The following PRKG1 variants were observed in gnomAD, a reference collection of about 807,000 sequenced individuals.
PRKG1 encodes the protein protein kinase cGMP-dependent 1.
A neutral mutation model predicts 88.1 loss-of-function variants in PRKG1; 35 were observed. The observed-to-expected ratio is 0.40, with a 90% CI of 0.30 to 0.53. PRKG1 has a LOEUF of 0.53. Ranked by LOEUF, PRKG1 falls within the 20% of genes least tolerant of loss-of-function variation. The pLI, the probability that PRKG1 is intolerant of heterozygous loss-of-function variation, is 0.59. For synonymous variants in PRKG1, 303 were observed against 292.5 expected, an observed-to-expected ratio of 1.04 and a Z score of -0.37; for missense variants, 540 against 839.8, an observed-to-expected ratio of 0.64 and a Z score of 4.41.
At chr10:52,268,787 A>G (rs973405449) in intron 10 of PRKG1, among the ~76,000 whole-genome samples, 3 of 152,028 alleles carry the variant, frequency 2.0e-5, no homozygotes, top group Non-Finnish European at 2.9e-5. Flanking sequence ...GTTCCTCTGA[A>G]AAAGCAACAT....
At chr10:51,838,077 T>C (rs1481402427) in intron 4 of PRKG1, among the ~76,000 whole-genome samples, 2 of 152,106 alleles carry the variant, frequency 1.3e-5, no homozygotes, top group African/African-American at 4.8e-5. Flanking sequence ...TCCATATCAA[T>C]ACAATTCATT....
At chr10:51,189,642 T>A (rs1837581459) in intron 2 of PRKG1, among the ~76,000 whole-genome samples, 2 of 151,952 alleles carry the variant, frequency 1.3e-5, no homozygotes, top group Non-Finnish European at 1.5e-5. Context: ...ATTGAATGCC[T>A]ATTAAACACA....
intron 7 of PRKG1, among the ~76,000 whole-genome samples, chr10:52,106,186 A>C (rs1034562734): frequency 6.6e-6 from 1 of 152,186 alleles, no homozygotes; most frequent in Non-Finnish European, 1.5e-5. Context: ...TCAATTCACA[A>C]GTACTTAATG....
At chr10:51,805,098 A>G (rs961462079) in intron 4 of PRKG1, among the ~76,000 whole-genome samples, 2 of 152,118 alleles carry the variant, frequency 1.3e-5, no homozygotes, top group Admixed American at 6.6e-5. Flanking sequence ...AAACAGACTC[A>G]CACTGTAAGG....
intron 9 of PRKG1, among the ~76,000 whole-genome samples, chr10:52,169,836 T>C (rs117919450): frequency 0.014 from 2,061 of 152,262 alleles, 20 homozygotes; most frequent in Non-Finnish European, 0.023. Context: ...TCAGTACTGA[T>C]AGAGATGTAA....
At chr10:50,999,203 A>G (rs1357067289) in intron 1 of PRKG1, among the ~76,000 whole-genome samples, 1 of 152,188 alleles carries the variant, frequency 6.6e-6, no homozygotes, top group African/African-American at 2.4e-5. Flanking sequence ...TTGATTTTAT[A>G]TATTCTTGGA....
chr10:51,123,293 C>T (rs1187906144), intron 1 of PRKG1, among the ~76,000 whole-genome samples: 1 of 152,096 alleles, frequency 6.6e-6, no homozygotes, highest in Non-Finnish European at 1.5e-5. Context: ...TTACTGTTAT[C>T]CATATATATG....
chr10:52,088,745 T>C (rs1352276415), intron 7 of PRKG1, among the ~76,000 whole-genome samples: 1 of 152,202 alleles, frequency 6.6e-6, no homozygotes, highest in African/African-American at 2.4e-5. Flanking sequence ...TATTGTGTTA[T>C]GGCAGCAGAA....
chr10:51,091,044 G>T (rs923420010), intron 1 of PRKG1, among the ~76,000 whole-genome samples: 1 of 152,090 alleles, frequency 6.6e-6, no homozygotes, highest in African/African-American at 2.4e-5. Flanking sequence ...TATGATTGTG[G>T]ATAAAAGCAA....
At chr10:51,343,553 T>A (rs915255082) in intron 2 of PRKG1, among the ~76,000 whole-genome samples, 3 of 152,182 alleles carry the variant, frequency 2.0e-5, no homozygotes, top group African/African-American at 7.2e-5. Context: ...TATTTAATAA[T>A]ATATAATAAC....
chr10:52,033,986 T>C (rs1359354642), intron 5 of PRKG1, among the ~76,000 whole-genome samples: 4 of 151,666 alleles, frequency 2.6e-5, no homozygotes, highest in Admixed American at 6.6e-5. Flanking sequence ...GGGGTGCTTT[T>C]TGAGCCAGGA....
At chr10:51,244,308 C>CTTTTTTTTTTTT (rs76339310) in intron 2 of PRKG1, among the ~76,000 whole-genome samples, 1 of 136,678 alleles carries the variant, frequency 7.3e-6, no homozygotes, top group African/African-American at 2.7e-5. Flanking sequence ...CCCTTTCTTC[C>CTTTTTTTTTTTT]TTTTTTTTTT....
At position 52,188,564 on chromosome 10, in the gene PRKG1, G is replaced by A. The variant is rs146327588; in HGVS notation, c.1076+26601G>A. Among the ~76,000 whole-genome samples the A allele has an allele frequency of 5.3e-3, 805 of 151,510 alleles. 9 individuals are homozygous for A. Among genetic ancestry groups the A allele is most frequent in the Non-Finnish European group, 8.0e-3 (543 of 67,904 alleles). On this transcript the variant is annotated intron_variant, in intron 9 of 17. Transcript: ENST00000373980. ...TGTGCATTGGAATAAAAAAAAGTTTGGAAACCATAATGAATGAATATAAAT... is the reference window on the plus strand; with the variant it reads ...TGTGCATTGGAATAAAAAAAAGTTTAGAAACCATAATGAATGAATATAAAT...
chr10:51,920,851 A>T (rs765110992), intron 5 of PRKG1, among the ~76,000 whole-genome samples: 4 of 152,104 alleles, frequency 2.6e-5, no homozygotes, highest in Non-Finnish European at 5.9e-5. Flanking sequence ...TTACAGAAAA[A>T]CTGAACAGAA....
At chr10:51,489,856 T>C (rs1840659722) in intron 3 of PRKG1, among the ~76,000 whole-genome samples, 1 of 152,122 alleles carries the variant, frequency 6.6e-6, no homozygotes, top group Non-Finnish European at 1.5e-5. Context: ...TTGAAAAATA[T>C]TCAATAGCTA....
At chr10:52,140,478 C>T (rs1325549484) in intron 8 of PRKG1, among the ~76,000 whole-genome samples, 1 of 152,120 alleles carries the variant, frequency 6.6e-6, no homozygotes, top group Non-Finnish European at 1.5e-5. Context: ...CATCCCACTC[C>T]ACTCCCCATG....
intron 9 of PRKG1, among the ~76,000 whole-genome samples, chr10:52,166,795 A>ATG (rs1554812259): frequency 4.2e-5 from 1 of 23,662 alleles, no homozygotes; most frequent in Non-Finnish European, 7.0e-5. Flanking sequence ...GCCTATATAT[A>ATG]TACATATATA....
chr10:51,173,572 T>C (rs1303612370), intron 2 of PRKG1, among the ~76,000 whole-genome samples: 1 of 151,918 alleles, frequency 6.6e-6, no homozygotes, highest in Non-Finnish European at 1.5e-5. Context: ...ATCTTCATCC[T>C]AAGGAAATAA....
At position 51,858,059 on chromosome 10, in the gene PRKG1, T is replaced by C. The variant is rs956980397; in HGVS notation, c.699-49448T>C. Among the ~76,000 whole-genome samples the C allele has an allele frequency of 6.8e-5, 6 of 87,878 alleles. No homozygotes were observed. The East Asian group carries it at 1.9e-3, about 28-fold the overall frequency. 57.7% of individuals were successfully genotyped at this position (87,878 alleles called of 152,430 possible). ...ATTTAATGGCATAAAAGGAAATATATATGCATATTATACATATATATAATA... is the reference window on the plus strand; with the variant it reads ...ATTTAATGGCATAAAAGGAAATATACATGCATATTATACATATATATAATA... On this transcript the variant is annotated intron_variant, in intron 4 of 17. Coordinates refer to ENST00000373980, the MANE Select transcript of PRKG1 (RefSeq NM_006258.4).
Sources: gnomAD v4.1 joint callset for allele counts (sites outside exome capture counted in the v4.1 genomes callset) on GRCh38, gnomAD v4.1.1 for gene constraint, MANE v1.5 for transcripts, NCBI Gene and HGNC (gene_info 2026-07-23, HGNC 2026-07-21) for gene names.